The following ACACB variants were observed in gnomAD, a reference collection of about 807,000 sequenced individuals.
ACACB encodes the protein acetyl-CoA carboxylase beta.
In ACACB, 209 loss-of-function variants were observed where a neutral mutation model predicts 278.8. The observed-to-expected ratio is 0.75, with a 90% CI of 0.67 to 0.84. The LOEUF is 0.84. Among genes scored for constraint, ACACB ranks in the 40% least tolerant of loss-of-function variants. The pLI is 0.00. For synonymous variants in ACACB, 1,174 were observed against 1,285.6 expected (o/e 0.91, Z 1.86); for missense variants, 2,850 against 3,269.0 (o/e 0.87, Z 3.13).
At chr12:109,136,628 C>A (rs1193537127) in intron 1 of ACACB, among the ~76,000 whole-genome samples, 1 of 152,028 alleles carries the variant, frequency 6.6e-6, no homozygotes, top group East Asian at 1.9e-4. Context: ...TTCTTAATTT[C>A]TTTTTCAGAT....
intron 15 of ACACB, among the ~76,000 whole-genome samples, chr12:109,192,639 A>C (rs1593516169): frequency 6.6e-6 from 1 of 152,200 alleles, no homozygotes; most frequent in South Asian, 2.1e-4. Flanking sequence ...TATCAAAAAG[A>C]AAATAAAAGG....
chr12:109,261,824 T>TTGCAGTGAACCG (rs1235207543), intron 48 of ACACB, among the ~76,000 whole-genome samples: 1 of 139,806 alleles, frequency 7.2e-6, no homozygotes, highest in Non-Finnish European at 1.5e-5. Flanking sequence ...TGAACCGAGA[T>TTGCAGTGAACCG]AGTGCCACTG....
At chr12:109,194,150 G>A (rs911011821) in intron 16 of ACACB, among the ~76,000 whole-genome samples, 11 of 152,038 alleles carry the variant, frequency 7.2e-5, no homozygotes, top group Non-Finnish European at 1.5e-4. Flanking sequence ...TTTTTGGCTT[G>A]TGGATGCCTT....
At chr12:109,240,949 T>C (rs2136667301) in intron 35 of ACACB, 129 bp from the exon 36 acceptor site, 1 of 800,446 alleles carries the variant, frequency 1.2e-6, no homozygotes, top group East Asian at 2.7e-5. Flanking sequence ...ATACTTTTTG[T>C]TGGATACACA....
intron 1 of ACACB, among the ~76,000 whole-genome samples, chr12:109,133,863 A>ATAT (rs55881936): frequency 1.6e-3 from 114 of 70,214 alleles, no homozygotes; most frequent in Non-Finnish European, 2.3e-3. Context: ...ATATATATAT[A>ATAT]TTTTTTTTTT....
chr12:109,227,270 A>G (rs1482950405), intron 27 of ACACB, 101 bp from the exon 28 acceptor site: 1 of 1,026,934 alleles, frequency 9.7e-7, no homozygotes, highest in Non-Finnish European at 1.5e-6. Flanking sequence ...TAGATATTTT[A>G]GAGGTCATTT....
Position 109,260,660 on chromosome 12 carries a change from G to A in ACACB, c.6674+3G>A, listed in dbSNP as rs933277838. The A allele has an allele frequency of 6.4e-7, 1 of 1,560,404 alleles. No individual in the cohort carries two copies. The highest frequency in any genetic ancestry group is 1.4e-5 in the African/African-American group (1 of 73,174). ...ATGTATGCAGACAAAGAGAGCAGGT[G>A]GGTGTGTTGCCCTTAGCCTGGCTTA... On this transcript the variant is annotated splice_donor_region_variant and intron_variant, in intron 48 of 52. Transcript: ENST00000338432.
chr12:109,183,207 G>A (rs2044539745), intron 11 of ACACB, among the ~76,000 whole-genome samples: 3 of 152,074 alleles, frequency 2.0e-5, no homozygotes, highest in Admixed American at 1.3e-4. Flanking sequence ...CTCATAGTCA[G>A]GTAATTCAAT....
rs1289875734 is a variant in ACACB at position 109,240,962 on chromosome 12, A to G, written c.4819-116A>G. ...TAATACTTTTTGTTGGATACACACT[A>G]TGTCCCAGGCGTTTTTGCAGTCAGT... On this transcript the variant is annotated intron_variant, in intron 35 of 52. Coordinates refer to ENST00000338432, the MANE Select transcript of ACACB (RefSeq NM_001093.4). 20 of 938,506 alleles carry G rather than the reference A, an allele frequency of 2.1e-5. No homozygotes were observed. The East Asian group carries it at 3.9e-4, about 18-fold the overall frequency. 58.1% of individuals were successfully genotyped at this position (938,506 alleles called of 1,614,324 possible). A position where few individuals can be genotyped will look rare whatever the true frequency, so the allele number is the denominator to read the frequency against.
chr12:109,236,631 G>A (rs555473818), intron 33 of ACACB, among the ~76,000 whole-genome samples: 31 of 152,296 alleles, frequency 2.0e-4, no homozygotes, highest in African/African-American at 7.5e-4. Flanking sequence ...TGTAGAACAG[G>A]TAGGTTTATT....
chr12:109,132,848 G>T (rs1402974567), intron 1 of ACACB, among the ~76,000 whole-genome samples: 1 of 152,230 alleles, frequency 6.6e-6, no homozygotes, highest in Non-Finnish European at 1.5e-5. Flanking sequence ...CAGAATAACA[G>T]ATTGTAAAGG....
At chr12:109,179,439 T>G (rs1403520972) in intron 10 of ACACB, 142 bp downstream of exon 10, 1 of 818,036 alleles carries the variant, frequency 1.2e-6, no homozygotes, top group East Asian at 2.7e-5. Flanking sequence ...AGAGGTGATT[T>G]CAGCATCACA....
chr12:109,261,985 G>A (rs1039939394), intron 48 of ACACB, among the ~76,000 whole-genome samples: 9 of 151,918 alleles, frequency 5.9e-5, no homozygotes, highest in Admixed American at 2.0e-4. Flanking sequence ...GATTTAAAGC[G>A]ATCAGAAACA....
chr12:109,208,531 G>C (rs2045589566), intron 20 of ACACB, among the ~76,000 whole-genome samples: 1 of 152,050 alleles, frequency 6.6e-6, no homozygotes, highest in African/African-American at 2.4e-5. Flanking sequence ...TTATTAGTTG[G>C]GGCACTTCGC....
chr12:109,258,185 G>A (rs952368899), intron 45 of ACACB, 83 bp from the exon 46 acceptor site: 9 of 920,714 alleles, frequency 9.8e-6, no homozygotes, highest in South Asian at 6.5e-5. Flanking sequence ...TCTCCTCCAC[G>A]TGCCCTCACC....
chr12:109,258,587 AG>A (rs1168264426), intron 46 of ACACB, among the ~76,000 whole-genome samples: 2 of 152,110 alleles, frequency 1.3e-5, no homozygotes, highest in Non-Finnish European at 2.9e-5. Flanking sequence ...CAGATGATAA[AG>A]GTCCCTAGAA....
chr12:109,215,780 A>G (rs2045977571), intron 22 of ACACB, among the ~76,000 whole-genome samples: 1 of 152,006 alleles, frequency 6.6e-6, no homozygotes, highest in African/African-American at 2.4e-5. Flanking sequence ...AAAAAAATGT[A>G]TTTTTAAATT....
upstream of ACACB, among the ~76,000 whole-genome samples, chr12:109,116,345 G>A (rs957602040): frequency 1.3e-5 from 2 of 152,258 alleles, no homozygotes; most frequent in Non-Finnish European, 2.9e-5. Context: ...TACTGCTTAC[G>A]ACAACATGGA....
At chr12:109,138,151 G>A (rs771386955) in intron 1 of ACACB, among the ~76,000 whole-genome samples, 10 of 152,092 alleles carry the variant, frequency 6.6e-5, no homozygotes, top group African/African-American at 1.2e-4. Context: ...TGATCTGCCC[G>A]CCTCAGCCTC....
Sources: allele counts gnomAD v4.1 joint callset (sites outside exome capture counted in the v4.1 genomes callset), GRCh38; gene constraint gnomAD v4.1.1; transcripts MANE v1.5; gene names NCBI Gene and HGNC (gene_info 2026-07-23, HGNC 2026-07-21).